Variants in GNA15 observed in about 807,000 individuals in gnomAD.
GNA15 encodes guanine nucleotide-binding protein subunit alpha-15.
Under a neutral mutation model 40.1 loss-of-function variants are expected in GNA15, and 23 were observed. The ratio of observed to expected loss-of-function variants is 0.57; its 90% CI spans 0.41 to 0.81. The LOEUF (loss-of-function observed/expected upper bound fraction) is 0.81, where lower values mean the gene tolerates loss of function less well. Ranked by LOEUF, GNA15 falls within the 40% of genes least tolerant of loss-of-function variation. GNA15 has a pLI of 0.00. For synonymous variants in GNA15, 226 were observed against 210.4 expected (o/e 1.07, Z -0.64); for missense variants, 522 against 515.8 (o/e 1.01, Z -0.12).
At chr19:3,159,758 G>A (rs893543415) in intron 6 of GNA15, among the ~76,000 whole-genome samples, 3 of 152,150 alleles carry the variant, frequency 2.0e-5, no homozygotes, top group Non-Finnish European at 2.9e-5. Flanking sequence ...TTTGCATAAC[G>A]TTTCTTTTAA....
Position 3,155,705 on chromosome 19 carries a change from A to G in GNA15, c.615-118A>G. The G allele has an allele frequency of 8.6e-7, 1 of 1,163,444 alleles. No homozygotes were observed. The highest frequency in any genetic ancestry group is 1.2e-6 in the Non-Finnish European group (1 of 820,596). The allele number at this position is 1,163,444 out of a possible 1,614,324, so 72.1% of individuals were successfully genotyped here. A position where few individuals can be genotyped will look rare whatever the true frequency, so the allele number is the denominator to read the frequency against. ...TGACATGGCAAATCCACGAGAGGCT[A>G]GCACCTATTCTTGCTGTCGCTATTA... On this transcript the variant is annotated intron_variant, in intron 4 of 6. Coordinates refer to ENST00000262958, the MANE Select transcript of GNA15 (RefSeq NM_002068.4). The surrounding 1 kb of genome is among the most constrained non-coding windows in gnomAD (Gnocchi z 5.6).
rs1346690858 is a variant in GNA15 at position 3,163,085 on chromosome 19, C to A, written c.*66C>A. ...GGGAGGTGGGAGTGGCTGCAGGGAC[C>A]CCTAGTGTCCCTGGTCTATCTCTCC... is the stretch of plus-strand genomic sequence containing the variant. On this transcript the variant is annotated 3_prime_UTR_variant, in exon 7 of 7. Transcript: ENST00000262958. 2.1e-6 allele frequency: 2 copies of A among 970,818 alleles called. No individual in the cohort carries two copies. The highest frequency in any genetic ancestry group is 3.3e-6 in the Non-Finnish European group (2 of 608,116). 60.1% of individuals were successfully genotyped at this position (970,818 alleles called of 1,614,324 possible). A position where few individuals can be genotyped will look rare whatever the true frequency, so the allele number is the denominator to read the frequency against.
chr19:3,157,382 CA>C (rs1319813333), intron 5 of GNA15, among the ~76,000 whole-genome samples: 4 of 152,210 alleles, frequency 2.6e-5, no homozygotes, highest in African/African-American at 9.6e-5. Flanking sequence ...ACGACCTCTT[CA>C]AAGACCCTAT....
chr19:3,156,467 GGC>G (rs1915030583), intron 5 of GNA15, among the ~76,000 whole-genome samples: 2 of 148,408 alleles, frequency 1.3e-5, no homozygotes, highest in South Asian at 4.2e-4. Context: ...CGCACACACA[GGC>G]ACACACACGC....
Position 3,163,364 on chromosome 19 carries a change from T to G in GNA15, c.*345T>G. 2.7e-6 allele frequency: 1 copy of G among 366,024 alleles called. No homozygotes were observed. The highest frequency in any genetic ancestry group is 5.2e-6 in the Non-Finnish European group (1 of 192,896). The allele number at this position is 366,024 out of a possible 1,614,324, so 22.7% of individuals were successfully genotyped here. ...GAGCCCCATCTCCGGGCGTGTCACCTCCTGGGCAGGGTTCTGGGACCCTCT... is the reference window on the plus strand; with the variant it reads ...GAGCCCCATCTCCGGGCGTGTCACCGCCTGGGCAGGGTTCTGGGACCCTCT... On this transcript the variant is annotated 3_prime_UTR_variant, in exon 7 of 7. Transcript: ENST00000262958.
rs1914457063 is a variant in GNA15 at position 3,136,312 on chromosome 19, G to T, written c.-139G>T. ...GCAAGGAAGTCTAGGTCCCTGGGGG[G>T]TGACCCCCAAGGAAAAGGCAGCCTC... On this transcript the variant is annotated 5_prime_UTR_variant, in exon 1 of 7. Transcript: ENST00000262958. This position sits in a 1 kb window ranked among gnomAD's most constrained non-coding sequence, Gnocchi z 4.9. 2.5e-6 allele frequency: 2 copies of T among 813,706 alleles called. No individual in the cohort carries two copies. Among genetic ancestry groups the T allele is most frequent in the South Asian group, 1.8e-5 (1 of 54,322 alleles). The allele number at this position is 813,706 out of a possible 1,614,324, so 50.4% of individuals were successfully genotyped here. A position where few individuals can be genotyped will look rare whatever the true frequency, so the allele number is the denominator to read the frequency against.
rs145733927 is a variant in GNA15, at chr19:3,148,752, C to G, written c.307C>G (p.Pro103Ala). Residue 103 changes from proline to alanine, a missense_variant, in exon 2 of 7, where the codon CCA (proline) becomes GCA (alanine). By Grantham distance (27) the Pro-to-Ala change is conservative. Coordinates refer to ENST00000262958, the MANE Select transcript of GNA15 (RefSeq NM_002068.4). Reference sequence around the variant, plus strand: ...CGAGGCCATGGAGCGGCTGCAGATTCCATTCAGCAGGCCCGAGAGCAAGGT... The same window carrying G: ...CGAGGCCATGGAGCGGCTGCAGATTGCATTCAGCAGGCCCGAGAGCAAGGT... ...MIEAMERLQI[P>A]FSRPESKHHA... 2.8e-4 allele frequency: 442 copies of G among 1,601,762 alleles called. No individual in the cohort carries two copies. The highest frequency in any genetic ancestry group is 3.4e-4 in the Non-Finnish European group (401 of 1,174,862).
chr19:3,144,691 G>A (rs1035944154), intron 1 of GNA15, among the ~76,000 whole-genome samples: 1 of 151,290 alleles, frequency 6.6e-6, no homozygotes, highest in African/African-American at 2.4e-5. Flanking sequence ...ACCATGCCCG[G>A]TTAATTTTTT....
intron 1 of GNA15, among the ~76,000 whole-genome samples, chr19:3,141,109 G>A (rs1390271110): frequency 2.0e-5 from 3 of 151,624 alleles, no homozygotes; most frequent in Non-Finnish European, 2.9e-5. Context: ...GGGTGGGGGT[G>A]GGTCTGTCCC....
At chr19:3,141,042 G>GTA (rs1555705156) in intron 1 of GNA15, among the ~76,000 whole-genome samples, 2 of 138,278 alleles carry the variant, frequency 1.4e-5, no homozygotes, top group Non-Finnish European at 3.2e-5. Flanking sequence ...TCCAAAAGCT[G>GTA]TTTTTTTTTT....
chr19:3,155,722 T>A lies in GNA15; in HGVS notation c.615-101T>A. 1 of 1,343,580 alleles carries A rather than the reference T, an allele frequency of 7.4e-7. No homozygotes were observed. The highest frequency in any genetic ancestry group is 1.0e-6 in the Non-Finnish European group (1 of 980,406). The allele number at this position is 1,343,580 out of a possible 1,614,324, so 83.2% of individuals were successfully genotyped here. On this transcript the variant is annotated intron_variant, in intron 4 of 6. Coordinates refer to ENST00000262958, the MANE Select transcript of GNA15 (RefSeq NM_002068.4). The surrounding 1 kb of genome is among the most constrained non-coding windows in gnomAD (Gnocchi z 5.6). ...GAGAGGCTAGCACCTATTCTTGCTG[T>A]CGCTATTATGGATCTTGGCATATCC...
chr19:3,159,313 C>T (rs1213292157), intron 6 of GNA15, among the ~76,000 whole-genome samples: 12 of 149,644 alleles, frequency 8.0e-5, no homozygotes, highest in Non-Finnish European at 1.5e-4. Flanking sequence ...CGTGAGCCAT[C>T]GTGCCCAGTC....
intron 6 of GNA15, among the ~76,000 whole-genome samples, chr19:3,159,528 A>G (rs1387652260): frequency 6.6e-6 from 1 of 151,052 alleles, no homozygotes; most frequent in Non-Finnish European, 1.5e-5. Flanking sequence ...TGTTTTTAGT[A>G]GAGACGGGGT....
chr19:3,159,351 T>C (rs1374514496), intron 6 of GNA15, among the ~76,000 whole-genome samples: 11 of 148,200 alleles, frequency 7.4e-5, no homozygotes, highest in African/African-American at 1.0e-4. Flanking sequence ...CTTTTCTTTT[T>C]TTTTTTTTTT....
chr19:3,140,751 T>A (rs1322939226), intron 1 of GNA15, among the ~76,000 whole-genome samples: 1 of 152,152 alleles, frequency 6.6e-6, no homozygotes, highest in Non-Finnish European at 1.5e-5. Context: ...GCTGAATGAA[T>A]GAATGAATGA....
chr19:3,148,810 G>T (rs745502086), intron 2 of GNA15, 35 bp downstream of exon 2: 2 of 1,551,652 alleles, frequency 1.3e-6, no homozygotes, highest in African/African-American at 1.4e-5. Context: ...CCCAGGGCAG[G>T]CAGGGGCCCA....
intron 5 of GNA15, among the ~76,000 whole-genome samples, 197 bp from the exon 6 acceptor site, chr19:3,157,531 A>G (rs945389054): frequency 1.8e-4 from 28 of 152,344 alleles, no homozygotes; most frequent in Non-Finnish European, 3.4e-4. Flanking sequence ...ACTTCCAACC[A>G]GCACAGGCAC....
rs751333139 is a variant in GNA15 at position 3,151,793 on chromosome 19, G to A, written c.572G>A (p.Gly191Asp). The stretch of plus-strand genomic sequence containing the variant: ...CTCCGCAGCCGCATGCCCACCACTG[G>A]CATCAACGAGTACTGCTTCTCCGTG... Reference protein sequence around the residue: ...DVLRSRMPTTGINEYCFSVQK... With the variant: ...DVLRSRMPTTDINEYCFSVQK... The change falls in exon 4 of 7, where the codon GGC becomes GAC. Residue 191 changes from glycine (G) to aspartate (D), a missense_variant. By Grantham distance (94) the Gly-to-Asp change is moderately conservative. Coordinates refer to ENST00000262958, the MANE Select transcript of GNA15 (RefSeq NM_002068.4). The surrounding 1 kb of genome is among the most constrained non-coding windows in gnomAD (Gnocchi z 5.0). 13 of 1,612,560 alleles carry A rather than the reference G, an allele frequency of 8.1e-6. No homozygotes were observed. Among genetic ancestry groups the A allele is most frequent in the Non-Finnish European group, 1.0e-5 (12 of 1,179,574 alleles).
intron 5 of GNA15, among the ~76,000 whole-genome samples, chr19:3,156,466 A>AT (rs1209496745): frequency 1.4e-5 from 2 of 138,700 alleles, no homozygotes; most frequent in African/African-American, 5.2e-5. Context: ...ACGCACACAC[A>AT]GGCACACACA....
Sources: allele counts gnomAD v4.1 joint callset (sites outside exome capture counted in the v4.1 genomes callset), GRCh38; gene constraint gnomAD v4.1.1; non-coding constraint Gnocchi (gnomAD v3.1); transcripts MANE v1.5; gene names NCBI Gene and HGNC (gene_info 2026-07-23, HGNC 2026-07-21).